Variants in EFCAB6 observed in about 807,000 individuals in gnomAD.
EFCAB6 encodes EF-hand calcium-binding domain-containing protein 6.
Under a neutral mutation model 169.8 loss-of-function variants are expected in EFCAB6, and 156 were observed. That is an observed-to-expected ratio of 0.92 (90% CI 0.81 to 1.05). The LOEUF is 1.05. Ranked by LOEUF, EFCAB6 falls within the 50% of genes least tolerant of loss-of-function variation. EFCAB6 has a pLI of 0.00. For synonymous variants in EFCAB6, 698 were observed against 676.4 expected, an observed-to-expected ratio of 1.03 and a Z score of -0.50; for missense variants, 1,800 against 1,829.1, an observed-to-expected ratio of 0.98 and a Z score of 0.29.
At chr22:43,666,442 T>G (rs2057252175) in intron 17 of EFCAB6, among the ~76,000 whole-genome samples, 1 of 152,226 alleles carries the variant, frequency 6.6e-6, no homozygotes, top group Non-Finnish European at 1.5e-5. Context: ...TGGAAATATA[T>G]TTTATTGCCT....
At chr22:43,754,461 C>T (rs750508033) in intron 6 of EFCAB6, among the ~76,000 whole-genome samples, 16 of 152,172 alleles carry the variant, frequency 1.1e-4, no homozygotes, top group South Asian at 2.1e-4. Flanking sequence ...CTGGAACACA[C>T]GGCAGAAAAA....
chr22:43,745,098 A>G (rs2060514127), intron 6 of EFCAB6, among the ~76,000 whole-genome samples: 1 of 152,168 alleles, frequency 6.6e-6, no homozygotes. Flanking sequence ...TCATATTTGT[A>G]CCCCACTGAG....
At chr22:43,651,308 G>A (rs936039508) in intron 17 of EFCAB6, among the ~76,000 whole-genome samples, 18 of 152,212 alleles carry the variant, frequency 1.2e-4, no homozygotes, top group African/African-American at 4.3e-4. Context: ...TTTAGAGCTT[G>A]GGCCATAGCT....
intron 6 of EFCAB6, among the ~76,000 whole-genome samples, chr22:43,740,518 C>T (rs1234669986): frequency 2.0e-5 from 3 of 152,218 alleles, no homozygotes; most frequent in Non-Finnish European, 4.4e-5. Flanking sequence ...CATTCAGTGT[C>T]AATGTCATGA....
intron 8 of EFCAB6, among the ~76,000 whole-genome samples, chr22:43,727,516 T>C (rs2059782022): frequency 6.6e-6 from 1 of 152,208 alleles, no homozygotes; most frequent in African/African-American, 2.4e-5. Context: ...TATATTTCTG[T>C]TGAGTGAACA....
At chr22:43,590,946 C>A (rs1347265990) in intron 23 of EFCAB6, among the ~76,000 whole-genome samples, 2 of 150,914 alleles carry the variant, frequency 1.3e-5, no homozygotes, top group East Asian at 1.9e-4. Context: ...GGTGCTGGGG[C>A]AAGGGAGTGC....
intron 22 of EFCAB6, among the ~76,000 whole-genome samples, chr22:43,601,550 C>T (rs892086445): frequency 6.6e-6 from 1 of 152,204 alleles, no homozygotes; most frequent in Non-Finnish European, 1.5e-5. Context: ...TTGAGAGGTA[C>T]AGCTCCCTTT....
chr22:43,625,573 A>G (rs1014256195), intron 20 of EFCAB6, among the ~76,000 whole-genome samples: 3 of 152,198 alleles, frequency 2.0e-5, no homozygotes, highest in Non-Finnish European at 2.9e-5. Context: ...GGAGAAGGCC[A>G]AGGAAACAGC....
intron 20 of EFCAB6, among the ~76,000 whole-genome samples, chr22:43,616,751 C>T (rs901001948): frequency 2.0e-5 from 3 of 152,154 alleles, no homozygotes; most frequent in African/African-American, 7.2e-5. Context: ...CAGGTCCCTG[C>T]TAGGCCACAG....
intron 10 of EFCAB6, among the ~76,000 whole-genome samples, chr22:43,706,403 CGAATCACATTGCATATTCTA>C (rs1244301074): frequency 6.6e-6 from 1 of 152,180 alleles, no homozygotes; most frequent in Non-Finnish European, 1.5e-5. Context: ...TTCCAGAGCA[CGAATCACATTGCATATTCTA>C]GCTCATTATT....
chr22:43,770,879 A>C (rs1467865653), intron 4 of EFCAB6, among the ~76,000 whole-genome samples: 2 of 151,832 alleles, frequency 1.3e-5, no homozygotes, highest in African/African-American at 4.8e-5. Context: ...TATGGTATGC[A>C]TAAGAAGAAA....
intron 21 of EFCAB6, among the ~76,000 whole-genome samples, chr22:43,609,553 A>G (rs2053162986): frequency 6.6e-6 from 1 of 152,224 alleles, no homozygotes; most frequent in Non-Finnish European, 1.5e-5. Context: ...TAACATTTAC[A>G]AAAGGAATCA....
At chr22:43,648,542 C>T (rs1215762342) in intron 17 of EFCAB6, among the ~76,000 whole-genome samples, 1 of 152,122 alleles carries the variant, frequency 6.6e-6, no homozygotes, top group Non-Finnish European at 1.5e-5. Context: ...ATAACAGATA[C>T]TGGGGACTAC....
At chr22:43,624,912 T>C (rs919223575) in intron 20 of EFCAB6, among the ~76,000 whole-genome samples, 14 of 152,336 alleles carry the variant, frequency 9.2e-5, no homozygotes, top group African/African-American at 3.4e-4. Flanking sequence ...CGGCAGAGAA[T>C]GGAAAATGAA....
intron 4 of EFCAB6, among the ~76,000 whole-genome samples, chr22:43,768,649 C>T (rs769152461): frequency 2.6e-5 from 4 of 152,200 alleles, no homozygotes; most frequent in Admixed American, 6.5e-5. Flanking sequence ...TCATTTAGGA[C>T]AGACTATCAA....
chr22:43,798,904 CT>C (rs2062605367), intron 2 of EFCAB6, among the ~76,000 whole-genome samples: 1 of 152,206 alleles, frequency 6.6e-6, no homozygotes, highest in Non-Finnish European at 1.5e-5. Flanking sequence ...CATGTGCACT[CT>C]TGAGATTACA....
chr22:43,781,368 G>A (rs925043718), intron 3 of EFCAB6, among the ~76,000 whole-genome samples: 1 of 152,156 alleles, frequency 6.6e-6, no homozygotes, highest in Non-Finnish European at 1.5e-5. Flanking sequence ...CTGACACCCA[G>A]GCTGGAGTGC....
chr22:43,716,281 A>C (rs1159730845), intron 9 of EFCAB6, among the ~76,000 whole-genome samples: 10 of 152,154 alleles, frequency 6.6e-5, no homozygotes, highest in Non-Finnish European at 7.4e-5. Context: ...CTCTCACTAC[A>C]CTTTATTGAA....
At chr22:43,758,993 C>T (rs1234198076) in intron 5 of EFCAB6, among the ~76,000 whole-genome samples, 6 of 152,240 alleles carry the variant, frequency 3.9e-5, no homozygotes, top group Admixed American at 2.6e-4. Flanking sequence ...GAGGCCAAGA[C>T]TGGCGGATCA....
Sources: allele counts gnomAD v4.1 joint callset (sites outside exome capture counted in the v4.1 genomes callset), GRCh38; gene constraint gnomAD v4.1.1; transcripts MANE v1.5; gene names NCBI Gene and HGNC (gene_info 2026-07-23, HGNC 2026-07-21).